SEC14L5: variants seen among roughly 807,000 people sequenced by gnomAD.
SEC14L5 encodes SEC14-like protein 5.
A neutral mutation model predicts 84.6 loss-of-function variants in SEC14L5; 96 were observed. The ratio of observed to expected loss-of-function variants is 1.13; its 90% CI spans 0.96 to 1.34. The LOEUF is 1.34. Among genes scored for constraint, SEC14L5 ranks in the 40% most tolerant of loss-of-function variants. The pLI is 0.00. For missense variants in SEC14L5, 1,224 were observed against 942.5 expected, an observed-to-expected ratio of 1.30 and a Z score of -3.91; for synonymous variants, 546 against 383.4, an observed-to-expected ratio of 1.42 and a Z score of -4.95.
intron 8 of SEC14L5, 137 bp downstream of exon 8, chr16:4,997,181 C>G (rs767094590): frequency 1.7e-5 from 10 of 578,602 alleles, no homozygotes; most frequent in Non-Finnish European, 2.8e-5. Context: ...TCACCATAAT[C>G]TCCGCTTCCC....
chr16:4,996,087 C>T (rs1596633816), intron 6 of SEC14L5, among the ~76,000 whole-genome samples: 1 of 152,024 alleles, frequency 6.6e-6, no homozygotes, highest in East Asian at 1.9e-4. Flanking sequence ...TCTTCAATTC[C>T]CAGGGTCAAA....
chr16:5,003,244 T>C (rs1955695546), intron 10 of SEC14L5, among the ~76,000 whole-genome samples, 158 bp from the exon 11 acceptor site: 1 of 152,252 alleles, frequency 6.6e-6, no homozygotes, highest in African/African-American at 2.4e-5. Context: ...GTCCACAGTC[T>C]GATCCTCTTC....
intron 8 of SEC14L5, 79 bp downstream of exon 8, chr16:4,997,123 G>A: frequency 2.8e-6 from 3 of 1,053,014 alleles, no homozygotes; most frequent in Non-Finnish European, 4.0e-6. Flanking sequence ...TTTTGAGATG[G>A]GGTCTCACTC....
At chr16:5,009,840 G>A (rs1955778881) in intron 14 of SEC14L5, among the ~76,000 whole-genome samples, 1 of 152,112 alleles carries the variant, frequency 6.6e-6, no homozygotes, top group Non-Finnish European at 1.5e-5. Context: ...CTGGATCTGG[G>A]AGGGGGTGAG....
chr16:4,992,091 T>TG, intron 6 of SEC14L5, 61 bp downstream of exon 6: 2 of 1,151,916 alleles, frequency 1.7e-6, no homozygotes, highest in Middle Eastern at 3.0e-4. Flanking sequence ...TCTTGCTCCA[T>TG]GGGGGGCCCT....
Position 4,965,660 on chromosome 16 carries a change from CAAAAAAAAA to C in SEC14L5, c.63+6295_63+6303del, listed in dbSNP as rs34483309. Among the ~76,000 whole-genome samples, 341 of 53,118 alleles carry C rather than the reference CAAAAAAAAA, an allele frequency of 6.4e-3. 1 individual carries two copies. The highest frequency in any genetic ancestry group is 0.027 in the African/African-American group (298 of 10,858). The allele number at this position is 53,118 out of a possible 152,430, so 34.8% of individuals were successfully genotyped here. A position where few individuals can be genotyped will look rare whatever the true frequency, so the allele number is the denominator to read the frequency against. On this transcript the variant is annotated intron_variant, in intron 2 of 15. Transcript: ENST00000251170. ...TGGGCAAAAGAGCAAGACTCCATCTCAAAAAAAAAAAAAAAAAAAAAAAAAAAAAGAAAT... is the reference window on the plus strand; with the variant it reads ...TGGGCAAAAGAGCAAGACTCCATCTCAAAAAAAAAAAAAAAAAAAAGAAAT...
At chr16:4,967,977 C>G (rs376791697) in intron 2 of SEC14L5, among the ~76,000 whole-genome samples, 3 of 137,186 alleles carry the variant, frequency 2.2e-5, no homozygotes, top group African/African-American at 5.4e-5. Flanking sequence ...CTCCCTTCCC[C>G]TCCCCTCTCC....
chr16:5,002,616 G>A (rs371705207), intron 10 of SEC14L5, among the ~76,000 whole-genome samples: 2 of 152,310 alleles, frequency 1.3e-5, no homozygotes, highest in South Asian at 2.1e-4. Context: ...CTCAAATGAG[G>A]GAGTGTCATG....
chr16:5,004,946 G>A (rs766687207), intron 11 of SEC14L5, among the ~76,000 whole-genome samples: 1 of 152,192 alleles, frequency 6.6e-6, no homozygotes, highest in Non-Finnish European at 1.5e-5. Context: ...GAGGGACCTC[G>A]AAAACCTGAT....
intron 7 of SEC14L5, 73 bp from the exon 8 acceptor site, chr16:4,996,782 G>A (rs1295737765): frequency 8.3e-6 from 10 of 1,206,094 alleles, no homozygotes; most frequent in Admixed American, 4.6e-5. Context: ...ATGTTGCCCC[G>A]GCTGGTTCTG....
chr16:4,966,914 C>A (rs1378882589), intron 2 of SEC14L5, among the ~76,000 whole-genome samples: 1 of 152,218 alleles, frequency 6.6e-6, no homozygotes, highest in Non-Finnish European at 1.5e-5. Flanking sequence ...AGCCTGCAGG[C>A]CCTGGCCCCT....
At chr16:4,984,212 C>T (rs887868653) in intron 2 of SEC14L5, among the ~76,000 whole-genome samples, 5 of 152,190 alleles carry the variant, frequency 3.3e-5, no homozygotes, top group African/African-American at 1.2e-4. Context: ...CTCCTGGTCC[C>T]TGGCAACCAC....
chr16:5,009,461 C>A lies in SEC14L5; in HGVS notation c.1800+813C>A, dbSNP rs187962650. ...ATCTCAGCCTTCTGAGTAGCTGGGA[C>A]TACAGGTTCCCGCCACCATGTCCAA... On this transcript the variant is annotated intron_variant, in intron 14 of 15. Transcript: ENST00000251170. 2.3e-3 allele frequency among the ~76,000 whole-genome samples: 350 copies of A among 152,102 alleles called. 1 individual carries two copies. Among genetic ancestry groups the A allele is most frequent in the African/African-American group, 7.8e-3 (322 of 41,496 alleles).
At chr16:4,976,234 A>G (rs1682105758) in intron 2 of SEC14L5, among the ~76,000 whole-genome samples, 1 of 152,152 alleles carries the variant, frequency 6.6e-6, no homozygotes, top group African/African-American at 2.4e-5. Flanking sequence ...TTTTACACAC[A>G]AAGGAATTAA....
chr16:5,009,878 C>G (rs1457044568), intron 14 of SEC14L5, among the ~76,000 whole-genome samples: 1 of 151,794 alleles, frequency 6.6e-6, no homozygotes. Context: ...GTGGAAGGAA[C>G]AGAAAGAACA....
At chr16:5,014,451 G>C (rs1012209768) in intron 15 of SEC14L5, among the ~76,000 whole-genome samples, 8 of 152,260 alleles carry the variant, frequency 5.3e-5, no homozygotes. Context: ...TAACCAGACA[G>C]CTGGGGGAGG....
At chr16:4,979,698 C>T (rs1465475743) in intron 2 of SEC14L5, among the ~76,000 whole-genome samples, 1 of 148,080 alleles carries the variant, frequency 6.8e-6, no homozygotes, top group Admixed American at 6.9e-5. Context: ...CCTGGAGAGC[C>T]CTTGCGCTGG....
chr16:4,991,015 G>T, intron 5 of SEC14L5, 120 bp downstream of exon 5: 1 of 757,798 alleles, frequency 1.3e-6, no homozygotes. Flanking sequence ...TCTGTTAAAT[G>T]GGTACTCTAG....
intron 2 of SEC14L5, among the ~76,000 whole-genome samples, chr16:4,973,225 G>T (rs4786571): frequency 0.71 from 107,914 of 152,130 alleles, 38,566 homozygotes; most frequent in Admixed American, 0.75. Context: ...TCCCCCACGC[G>T]CCGCCCTTGT....
Sources: allele counts gnomAD v4.1 joint callset (sites outside exome capture counted in the v4.1 genomes callset), GRCh38; gene constraint gnomAD v4.1.1; transcripts MANE v1.5; gene names NCBI Gene and HGNC (gene_info 2026-07-23, HGNC 2026-07-21).